Variants in NFKBIZ observed in about 807,000 individuals in gnomAD.
NFKBIZ encodes the protein NFKB inhibitor zeta.
Under a neutral mutation model 76.8 loss-of-function variants are expected in NFKBIZ, and 19 were observed. The ratio of observed to expected loss-of-function variants is 0.25; its 90% CI spans 0.17 to 0.36. The LOEUF is 0.36. Ranked by LOEUF, NFKBIZ falls within the 10% of genes least tolerant of loss-of-function variation. NFKBIZ has a pLI of 1.00. For missense variants in NFKBIZ, 829 were observed against 910.9 expected, an observed-to-expected ratio of 0.91 and a Z score of 1.16; for synonymous variants, 368 against 354.8, an observed-to-expected ratio of 1.04 and a Z score of -0.42.
Position 101,854,108 on chromosome 3 carries a change from T to A in NFKBIZ, c.1337+245T>A, listed in dbSNP as rs541438768. On this transcript the variant is annotated intron_variant, in intron 5 of 11. Transcript: ENST00000326172. ...ATTGATAAAAATATCTGTATCTTCT[T>A]GATTAATTGAGTTTGGAAGACCAGC... Among the ~76,000 whole-genome samples, 71 of 152,324 alleles carry A rather than the reference T, an allele frequency of 4.7e-4. 2 individuals are homozygous for A. In the South Asian group the frequency reaches 0.014, roughly 31 times the overall value.
rs555162894 is a variant in NFKBIZ, at chr3:101,853,010, C to G, written c.564+21C>G. 17 of 1,613,794 alleles carry G rather than the reference C, an allele frequency of 1.1e-5. No individual in the cohort carries two copies. In the Admixed American group the frequency reaches 1.8e-4, roughly 17 times the overall value. ...TTTTGGTAAGTATCTCACCATTTTC[C>G]TCTGACTATCCTTTGGAAATTATTC... is the stretch of plus-strand genomic sequence containing the variant. On this transcript the variant is annotated intron_variant, in intron 4 of 11. Transcript: ENST00000326172.
At chr3:101,847,633 T>C (rs1172010926), upstream of NFKBIZ, among the ~76,000 whole-genome samples, 3 of 152,184 alleles carry the variant, frequency 2.0e-5, no homozygotes, top group Non-Finnish European at 4.4e-5. Context: ...CTGAATACTG[T>C]AGGCAACTGT....
At chr3:101,848,598 G>C (rs1942887442), upstream of NFKBIZ, among the ~76,000 whole-genome samples, 1 of 152,174 alleles carries the variant, frequency 6.6e-6, no homozygotes, top group South Asian at 2.1e-4. Context: ...TTGCTAGTTG[G>C]ACTTGAACAA....
rs1943058236 is a variant in NFKBIZ at position 101,857,001 on chromosome 3, G to T, written c.1825-72G>T. 6 of 1,083,854 alleles carry T rather than the reference G, an allele frequency of 5.5e-6. No homozygotes were observed. In the Admixed American group the frequency reaches 1.0e-4, roughly 19 times the overall value. The allele number at this position is 1,083,854 out of a possible 1,614,324, so 67.1% of individuals were successfully genotyped here. A position where few individuals can be genotyped will look rare whatever the true frequency, so the allele number is the denominator to read the frequency against. ...CTGAATCAGACATTCAGGAGACTGG[G>T]TGAAAAGTGTATTCTGAGGCATAGT... On this transcript the variant is annotated intron_variant, in intron 9 of 11. Coordinates refer to ENST00000326172, the MANE Select transcript of NFKBIZ (RefSeq NM_031419.4).
intron 2 of NFKBIZ, 38 bp downstream of exon 2, chr3:101,852,262 G>A (rs374786002): frequency 2.5e-6 from 4 of 1,606,326 alleles, no homozygotes; most frequent in Non-Finnish European, 3.4e-6. Flanking sequence ...TAGAGTTGGG[G>A]AGAGGGGTTA....
intron 2 of NFKBIZ, among the ~76,000 whole-genome samples, chr3:101,842,800 G>T (rs756653472): frequency 2.0e-5 from 3 of 150,922 alleles, no homozygotes; most frequent in Admixed American, 6.6e-5. Flanking sequence ...AGTGGGCAAG[G>T]CTGGATGGGT....
rs1385999251 is a variant in NFKBIZ, at chr3:101,853,491, A to T, written c.965A>T (p.Tyr322Phe). The change falls in exon 5 of 12, where the codon TAT (tyrosine) becomes TTT (phenylalanine). Residue 322 changes from tyrosine (Y) to phenylalanine (F), a missense_variant. Physicochemically the swap from Tyr to Phe is conservative, Grantham distance 22. This residue lies in a region of NFKBIZ where 371 missense variants were observed against 332.3 expected (regional missense o/e 1.12). Transcript: ENST00000326172. ...CCCATACCTCCCCAGTCCCCCGCTT[A>T]TGAACCAAACCTCTTTGATGGTCCA... ...PFPIPPQSPA[Y>F]EPNLFDGPES... 1 of 1,614,254 alleles carries T rather than the reference A, an allele frequency of 6.2e-7. No homozygotes were observed. The highest frequency in any genetic ancestry group is 8.5e-7 in the Non-Finnish European group (1 of 1,180,036).
rs1401626922 is a variant in NFKBIZ, at chr3:101,842,602, T to C, written c.-11-9483T>C. 2.6e-5 allele frequency among the ~76,000 whole-genome samples: 4 copies of C among 151,516 alleles called. No individual in the cohort carries two copies. In the East Asian group the frequency reaches 5.8e-4, roughly 22 times the overall value. On this transcript the variant is annotated intron_variant, in intron 2 of 12. Coordinates refer to the NFKBIZ transcript ENST00000394054. ...ATTTTCTTTTCTTTTCTTTTTTTTT[T>C]TTTTTTAGCTCTTCAGCTGCCATTA... is the stretch of plus-strand genomic sequence containing the variant.
rs1362682613 is a variant in NFKBIZ, at chr3:101,849,787, G to T, written c.159G>T (p.Ser53=). 3.7e-5 allele frequency: 54 copies of T among 1,445,266 alleles called. No homozygotes were observed. Among genetic ancestry groups the T allele is most frequent in the Non-Finnish European group, 4.7e-5 (52 of 1,105,812 alleles). The allele number at this position is 1,445,266 out of a possible 1,614,324, so 89.5% of individuals were successfully genotyped here. A position where few individuals can be genotyped will look rare whatever the true frequency, so the allele number is the denominator to read the frequency against. The change falls in exon 1 of 12, where the codon TCG becomes TCT. Residue 53 remains serine (S), a synonymous_variant. Coordinates refer to ENST00000326172, the MANE Select transcript of NFKBIZ (RefSeq NM_031419.4). ...AAPGACDASC[S]VLGPSAPGSP... is the part of the protein sequence containing the mutation. ...CGGGCGCCTGCGACGCCAGCTGCTC[G>T]GTCTTGGGCCCCTCGGCGCCCGGCT...
intron 2 of NFKBIZ, among the ~76,000 whole-genome samples, chr3:101,832,540 CT>C (rs1239635853): frequency 6.6e-6 from 1 of 152,160 alleles, no homozygotes; most frequent in African/African-American, 2.4e-5. Flanking sequence ...CTCTACATAC[CT>C]TATGTAAGTG....
rs530149010 is a variant in NFKBIZ at position 101,836,757 on chromosome 3, C to T, written c.-12+7069C>T. On this transcript the variant is annotated intron_variant, in intron 2 of 12. Transcript: ENST00000394054. ...CATATGTTTGAGAATCTCTAAATAT[C>T]CAACCTAAAAACTTGGGTTTGTTTC... Among the ~76,000 whole-genome samples the T allele has an allele frequency of 5.3e-5, 8 of 152,214 alleles. No homozygotes were observed. In the East Asian group the frequency reaches 1.5e-3, roughly 29 times the overall value.
Position 101,849,659 on chromosome 3 carries a change from C to G in NFKBIZ, c.31C>G (p.Arg11Gly). 1 of 1,399,294 alleles carries G rather than the reference C, an allele frequency of 7.1e-7. No homozygotes were observed. Among genetic ancestry groups the G allele is most frequent in the Non-Finnish European group, 9.2e-7 (1 of 1,086,002 alleles). 86.7% of individuals were successfully genotyped at this position (1,399,294 alleles called of 1,614,324 possible). A position where few individuals can be genotyped will look rare whatever the true frequency, so the allele number is the denominator to read the frequency against. Residue 11 changes from arginine to glycine, a missense_variant, in exon 1 of 12, where the codon CGC (arginine) becomes GGC (glycine). By Grantham distance (125) the Arg-to-Gly change is moderately radical. Coordinates refer to ENST00000326172, the MANE Select transcript of NFKBIZ (RefSeq NM_031419.4). ...TGTGGACAAGCTGCTGGACGACAGC[C>G]GCGGCGGAGAGGGGCTGCGGGACGC... MIVDKLLDDS[R>G]GGEGLRDAAG...
chr3:101,836,382 C>G (rs553368524), intron 2 of NFKBIZ, among the ~76,000 whole-genome samples: 1 of 152,330 alleles, frequency 6.6e-6, no homozygotes, highest in South Asian at 2.1e-4. Context: ...AAAATAACAC[C>G]TCTGGCTTTC....
At chr3:101,853,958 T>C (rs1158203785) in intron 5 of NFKBIZ, 95 bp downstream of exon 5, 34 of 1,193,664 alleles carry the variant, frequency 2.8e-5, no homozygotes, top group East Asian at 4.8e-5. Context: ...AAGGTATACC[T>C]TAGTTAGTGG....
intron 9 of NFKBIZ, chr3:101,856,104 G>T: frequency 5.6e-6 from 2 of 359,386 alleles, no homozygotes; most frequent in South Asian, 8.7e-5. Flanking sequence ...AGGCTGGAAT[G>T]CAGTGGTGCG....
chr3:101,842,037 G>C (rs1193732198), intron 2 of NFKBIZ, among the ~76,000 whole-genome samples: 3 of 152,172 alleles, frequency 2.0e-5, no homozygotes, highest in Non-Finnish European at 4.4e-5. Context: ...GAATAGAGGA[G>C]ACAGACTCAT....
chr3:101,829,951 A>G (rs1315743659), intron 2 of NFKBIZ, among the ~76,000 whole-genome samples: 2 of 152,010 alleles, frequency 1.3e-5, no homozygotes, highest in African/African-American at 2.4e-5. Context: ...GCTATTTTCC[A>G]TAGCAAGAGG....
At chr3:101,843,697 A>C (rs1415809099) in intron 2 of NFKBIZ, among the ~76,000 whole-genome samples, 1 of 152,260 alleles carries the variant, frequency 6.6e-6, no homozygotes, top group East Asian at 1.9e-4. Flanking sequence ...ATCTTCTGAT[A>C]CATTAAAATC....
At chr3:101,832,790 A>C (rs1942663539) in intron 2 of NFKBIZ, among the ~76,000 whole-genome samples, 1 of 152,204 alleles carries the variant, frequency 6.6e-6, no homozygotes, top group Non-Finnish European at 1.5e-5. Flanking sequence ...GTGTACAAGT[A>C]TCTGTTTAAA....
Sources: gnomAD v4.1 joint callset for allele counts (sites outside exome capture counted in the v4.1 genomes callset) on GRCh38, gnomAD v4.1.1 for gene constraint, gnomAD v4.1.1 regional missense constraint, MANE v1.5 for transcripts, NCBI Gene and HGNC (gene_info 2026-07-23, HGNC 2026-07-21) for gene names.